Variants in NDUFS6 observed in about 807,000 individuals in gnomAD.
NDUFS6 encodes the protein NADH dehydrogenase [ubiquinone] iron-sulfur protein 6, mitochondrial.
In NDUFS6, 14 loss-of-function variants were observed where a neutral mutation model predicts 13.2. The observed-to-expected ratio is 1.06, with a 90% CI of 0.70 to 1.66. The LOEUF (loss-of-function observed/expected upper bound fraction) is 1.66, where lower values mean the gene tolerates loss of function less well. Ranked by LOEUF, NDUFS6 falls within the 40% of genes most tolerant of loss-of-function variation. NDUFS6 has a pLI of 0.00. For synonymous variants in NDUFS6, 95 were observed against 72.3 expected, an observed-to-expected ratio of 1.31 and a Z score of -1.60; for missense variants, 206 against 170.8, an observed-to-expected ratio of 1.21 and a Z score of -1.15.
intron 2 of NDUFS6, among the ~76,000 whole-genome samples, chr5:1,812,056 A>G (rs1055871378): frequency 6.6e-6 from 1 of 152,336 alleles, no homozygotes; most frequent in African/African-American, 2.4e-5. Flanking sequence ...TTGTGTTGCT[A>G]TAACAGAGTA....
intron 2 of NDUFS6, among the ~76,000 whole-genome samples, chr5:1,809,842 G>A (rs1025749716): frequency 2.0e-5 from 3 of 152,266 alleles, no homozygotes; most frequent in Non-Finnish European, 2.9e-5. Context: ...GCGAGCCGCC[G>A]GGCCGGCAGC....
chr5:1,814,921 C>T lies in NDUFS6; in HGVS notation c.309+460C>T, dbSNP rs970831202. Among the ~76,000 whole-genome samples the T allele has an allele frequency of 2.6e-5, 4 of 152,274 alleles. No individual in the cohort carries two copies. The highest frequency in any genetic ancestry group is 3.4e-3 in the Middle Eastern group (1 of 294). On this transcript the variant is annotated intron_variant, in intron 3 of 3. Coordinates refer to ENST00000274137, the MANE Select transcript of NDUFS6 (RefSeq NM_004553.6). The surrounding 1 kb of genome is among the most constrained non-coding windows in gnomAD (Gnocchi z 4.9). ...TCTCCTCCCTGTGTCTTCACAGGGC[C>T]GTCCCTCTGTGGGAGACTCCTCATC...
At chr5:1,805,375 GAACAAGCATAGCAGGAAGCTAGATA>G (rs1734107480) in intron 2 of NDUFS6, among the ~76,000 whole-genome samples, 1 of 152,214 alleles carries the variant, frequency 6.6e-6, no homozygotes, top group African/African-American at 2.4e-5. Context: ...TTCACCTGTA[GAACAAGCATAGCAGGAAGCTAGATA>G]ATTGAGCTGG....
At position 1,815,869 on chromosome 5, in the gene NDUFS6, G is replaced by T. The variant is rs1181175425; in HGVS notation, c.328G>T (p.Gly110Cys). 1.9e-6 allele frequency: 3 copies of T among 1,614,076 alleles called. No homozygotes were observed. The East Asian group carries it at 6.7e-5, about 36-fold the overall frequency. The change falls in exon 4 of 4, where the codon GGC becomes TGC. Residue 110 changes from glycine to cysteine, a missense_variant. Physicochemically the swap from Gly to Cys is radical, Grantham distance 159. Coordinates refer to ENST00000274137, the MANE Select transcript of NDUFS6 (RefSeq NM_004553.6). ...TTTTCAGGACAAAGAAACAAAAACC[G>T]GCACATGCGGTTACTGTGGGCTCCA... ...YINLDKETKT[G>C]TCGYCGLQFR...
At chr5:1,811,365 A>C (rs904760) in intron 2 of NDUFS6, among the ~76,000 whole-genome samples, 144,024 of 152,054 alleles carry the variant, frequency 0.95, 68,718 homozygotes, top group Middle Eastern at 0.98. Context: ...TAAAAAAAAA[A>C]CAAAATAACA....
intron 3 of NDUFS6, 111 bp from the exon 4 acceptor site, chr5:1,815,740 C>T (rs1377673156): frequency 2.7e-5 from 29 of 1,072,044 alleles, no homozygotes; most frequent in East Asian, 9.9e-5. Context: ...GTAGTAACTG[C>T]GTATTTTTGT....
Position 1,814,018 on chromosome 5 carries a change from GA to G in NDUFS6, c.187-319del, listed in dbSNP as rs1734262812. ...AATACAAATGTCCTCAGGTGGGACA[GA>G]ACGATGTGGTGGGGAGAAGAGGGCG... On this transcript the variant is annotated intron_variant, in intron 2 of 3. Coordinates refer to ENST00000274137, the MANE Select transcript of NDUFS6 (RefSeq NM_004553.6). The surrounding 1 kb of genome is among the most constrained non-coding windows in gnomAD (Gnocchi z 4.9). Among the ~76,000 whole-genome samples, 2 of 152,244 alleles carry G rather than the reference GA, an allele frequency of 1.3e-5. No individual in the cohort carries two copies. Among genetic ancestry groups the G allele is most frequent in the Admixed American group, 1.3e-4 (2 of 15,290 alleles).
chr5:1,813,918 A>G (rs1734261328), intron 2 of NDUFS6, among the ~76,000 whole-genome samples: 1 of 152,238 alleles, frequency 6.6e-6, no homozygotes, highest in South Asian at 2.1e-4. Context: ...ACTGAGGTGG[A>G]TAACTGCATG....
In NDUFS6 at chr5:1,815,988, C is replaced by A; in HGVS notation, c.*72C>A. 2 of 1,518,134 alleles carry A rather than the reference C, an allele frequency of 1.3e-6. No homozygotes were observed. The highest frequency in any genetic ancestry group is 2.2e-5 in the South Asian group (2 of 89,212). 94.0% of individuals were successfully genotyped at this position (1,518,134 alleles called of 1,614,324 possible). A position where few individuals can be genotyped will look rare whatever the true frequency, so the allele number is the denominator to read the frequency against. On this transcript the variant is annotated 3_prime_UTR_variant, in exon 4 of 4. Coordinates refer to ENST00000274137, the MANE Select transcript of NDUFS6 (RefSeq NM_004553.6). ...GCGGGGAAGCTGAGCACGTGAAGCT[C>A]GCTGGTTCTGTGCGAAGGGTATTCC...
In NDUFS6 at chr5:1,814,797, A is replaced by G; in HGVS notation, c.309+336A>G. ...GCACCGCAGGCTGGGGTCGAAAACAACAAACACATTTCCCACAGCGCTGGA... is the reference window on the plus strand; with the variant it reads ...GCACCGCAGGCTGGGGTCGAAAACAGCAAACACATTTCCCACAGCGCTGGA... On this transcript the variant is annotated intron_variant, in intron 3 of 3. Transcript: ENST00000274137. This position sits in a 1 kb window ranked among gnomAD's most constrained non-coding sequence, Gnocchi z 4.9. The G allele has an allele frequency of 1.5e-6, 1 of 662,020 alleles. No individual in the cohort carries two copies. The highest frequency in any genetic ancestry group is 2.7e-6 in the Non-Finnish European group (1 of 366,028). 41.0% of individuals were successfully genotyped at this position (662,020 alleles called of 1,614,324 possible).
At position 1,815,858 on chromosome 5, in the gene NDUFS6, A is replaced by C. The variant is rs1292565455; in HGVS notation, c.317A>C (p.Glu106Ala). The part of the protein sequence containing the change: ...HPKVYINLDK[E>A]TKTGTCGYCG... ...CCTTTTGAATTTTTTCAGGACAAAG[A>C]AACAAAAACCGGCACATGCGGTTAC... is the stretch of plus-strand genomic sequence containing the variant. Residue 106 changes from glutamate to alanine, a missense_variant, in exon 4 of 4, where the codon GAA (glutamate) becomes GCA (alanine). By Grantham distance (107) the Glu-to-Ala change is moderately radical. Coordinates refer to ENST00000274137, the MANE Select transcript of NDUFS6 (RefSeq NM_004553.6). 6.2e-7 allele frequency: 1 copy of C among 1,614,160 alleles called. No individual in the cohort carries two copies. Among genetic ancestry groups the C allele is most frequent in the Non-Finnish European group, 8.5e-7 (1 of 1,180,050 alleles).
At chr5:1,809,540 G>A (rs575970424) in intron 2 of NDUFS6, among the ~76,000 whole-genome samples, 186 of 152,298 alleles carry the variant, frequency 1.2e-3, no homozygotes, top group Middle Eastern at 0.01. Context: ...GGTGATGGGC[G>A]GTCAGGGTCA....
At chr5:1,812,486 C>T (rs776630436) in intron 2 of NDUFS6, among the ~76,000 whole-genome samples, 4 of 148,304 alleles carry the variant, frequency 2.7e-5, no homozygotes, top group Non-Finnish European at 6.0e-5. Context: ...CTCCAATTCC[C>T]TGTATCCCAG....
chr5:1,802,366 CAGAA>C lies in NDUFS6; in HGVS notation c.182_185del (p.Lys61ArgfsTer2), dbSNP rs1182595182. ...CAGGAGAATTCGGTTTGTAGGTCGT[CAGAA>C]AGAGGTGAGTAAAAAATCTAGTGAA... On this transcript the variant is annotated frameshift_variant, in exon 2 of 4. Coordinates refer to ENST00000274137, the MANE Select transcript of NDUFS6 (RefSeq NM_004553.6). LOFTEE classifies it high-confidence loss of function. The C allele has an allele frequency of 3.7e-6, 6 of 1,613,704 alleles. No individual in the cohort carries two copies. The Admixed American group carries it at 1.0e-4, about 27-fold the overall frequency.
intron 3 of NDUFS6, 57 bp from the exon 4 acceptor site, chr5:1,815,794 A>G (rs140215184): frequency 2.0e-6 from 3 of 1,531,936 alleles, no homozygotes; most frequent in African/African-American, 2.7e-5. Flanking sequence ...AATGCTTAAT[A>G]TCTAGATTTG....
intron 2 of NDUFS6, among the ~76,000 whole-genome samples, chr5:1,804,007 T>C (rs1734087885): frequency 6.6e-6 from 1 of 152,114 alleles, no homozygotes. Context: ...CCGATGGATG[T>C]GGGGAGGGTT....
chr5:1,810,672 C>T (rs1734204063), intron 2 of NDUFS6, among the ~76,000 whole-genome samples: 1 of 152,152 alleles, frequency 6.6e-6, no homozygotes, highest in South Asian at 2.1e-4. Flanking sequence ...TCAGTTTCAA[C>T]AATTACCAAC....
intron 2 of NDUFS6, among the ~76,000 whole-genome samples, chr5:1,804,697 CT>C (rs750806814): frequency 3.3e-5 from 5 of 152,206 alleles, no homozygotes; most frequent in Non-Finnish European, 7.3e-5. Context: ...TTTTGGAACA[CT>C]TTTAGATTTA....
intron 2 of NDUFS6, among the ~76,000 whole-genome samples, chr5:1,806,473 C>T (rs1734124136): frequency 6.6e-6 from 1 of 152,352 alleles, no homozygotes; most frequent in Admixed American, 6.5e-5. Flanking sequence ...TAGCAGACTT[C>T]AAGGTGCGTG....
Sources: gnomAD v4.1 joint callset for allele counts (sites outside exome capture counted in the v4.1 genomes callset) on GRCh38, gnomAD v4.1.1 for gene constraint, Gnocchi (gnomAD v3.1) non-coding constraint, MANE v1.5 for transcripts, NCBI Gene and HGNC (gene_info 2026-07-23, HGNC 2026-07-21) for gene names.